IL1RAPL2: variants seen among roughly 807,000 people sequenced by gnomAD.
IL1RAPL2 encodes interleukin 1 receptor accessory protein like 2.
Under a neutral mutation model 44.1 loss-of-function variants are expected in IL1RAPL2, and 3 were observed. That is an observed-to-expected ratio of 0.07 (90% CI 0.03 to 0.18). The LOEUF (loss-of-function observed/expected upper bound fraction) is 0.18. IL1RAPL2 is among the 10% of genes least tolerant of loss of function. The probability of loss-of-function intolerance (pLI) is 1.00; values close to 1 mark genes in which losing one functional copy is unlikely to be tolerated. For synonymous variants in IL1RAPL2, 181 were observed against 178.8 expected, an observed-to-expected ratio of 1.01 and a Z score of -0.10; for missense variants, 391 against 496.4, an observed-to-expected ratio of 0.79 and a Z score of 2.02.
At chrX:104,573,976 C>T (rs970243255) in intron 1 of IL1RAPL2, among the ~76,000 whole-genome samples, 2 of 110,972 alleles carry the variant, frequency 1.8e-5, no homozygotes, top group African/African-American at 3.3e-5. Flanking sequence ...CCAGCTTTCT[C>T]AAAGATTTAA....
At chrX:104,867,301 G>A (rs1362462045) in intron 2 of IL1RAPL2, among the ~76,000 whole-genome samples, 2 of 109,068 alleles carry the variant, frequency 1.8e-5, no homozygotes, top group Non-Finnish European at 3.8e-5. Flanking sequence ...ACAAAGACAG[G>A]ATTGGGGAAC....
intron 5 of IL1RAPL2, among the ~76,000 whole-genome samples, chrX:105,304,603 A>G (rs1309686666): frequency 8.9e-6 from 1 of 111,960 alleles, no homozygotes; most frequent in Non-Finnish European, 1.9e-5. Flanking sequence ...AACAAGGGCA[A>G]TACAAATGAT....
intron 5 of IL1RAPL2, among the ~76,000 whole-genome samples, chrX:105,423,471 A>G (rs186347035): frequency 9.0e-6 from 1 of 111,217 alleles, no homozygotes; most frequent in African/African-American, 3.3e-5. Context: ...GCTGTGAGGA[A>G]TTTTGGCCAT....
intron 1 of IL1RAPL2, chrX:104,647,356 C>T (rs1930061388): frequency 3.9e-6 from 2 of 507,503 alleles, no homozygotes; most frequent in South Asian, 2.4e-5. Flanking sequence ...TGGAGTCACC[C>T]TCAGCAGAGA....
intron 2 of IL1RAPL2, among the ~76,000 whole-genome samples, chrX:104,719,924 A>G (rs1366139453): frequency 9.0e-6 from 1 of 111,129 alleles, no homozygotes; most frequent in Non-Finnish European, 1.9e-5. Flanking sequence ...GGTGGTCACA[A>G]AGGTCATTGG....
intron 6 of IL1RAPL2, among the ~76,000 whole-genome samples, chrX:105,492,568 C>A (rs1403091934): frequency 4.6e-5 from 5 of 109,342 alleles, no homozygotes; most frequent in African/African-American, 1.3e-4. Flanking sequence ...AATTCTACTA[C>A]TAATAATAAT....
At chrX:105,739,437 C>T (rs761457421) in intron 7 of IL1RAPL2, among the ~76,000 whole-genome samples, 1,661 of 106,591 alleles carry the variant, frequency 0.016, 17 homozygotes, top group Non-Finnish European at 0.022. Flanking sequence ...CATGCTGGTG[C>T]GCTGCACCCA....
At chrX:105,520,244 A>C (rs2147789052) in intron 6 of IL1RAPL2, among the ~76,000 whole-genome samples, 1 of 112,234 alleles carries the variant, frequency 8.9e-6, no homozygotes, top group African/African-American at 3.2e-5. Context: ...TACCCAGAGT[A>C]ATCTTTCTTT....
chrX:105,352,507 C>A (rs760076389), intron 5 of IL1RAPL2, among the ~76,000 whole-genome samples: 2 of 111,518 alleles, frequency 1.8e-5, no homozygotes, highest in South Asian at 7.6e-4. Context: ...AATCACCACA[C>A]TGACTTCCAC....
intron 6 of IL1RAPL2, among the ~76,000 whole-genome samples, chrX:105,574,118 A>C (rs1054199928): frequency 3.6e-5 from 4 of 112,146 alleles, no homozygotes; most frequent in Non-Finnish European, 5.6e-5. Flanking sequence ...AGAGAGATCA[A>C]GTTATAAAGA....
chrX:105,114,232 T>C (rs1446173283), intron 2 of IL1RAPL2, among the ~76,000 whole-genome samples: 3 of 111,785 alleles, frequency 2.7e-5, no homozygotes. Flanking sequence ...GGGAAGATGG[T>C]TATCTGTGGG....
chrX:105,434,465 A>G (rs767637493), intron 5 of IL1RAPL2, among the ~76,000 whole-genome samples: 1 of 112,599 alleles, frequency 8.9e-6, no homozygotes, highest in Non-Finnish European at 1.9e-5. Flanking sequence ...ATGCTGTTCA[A>G]CATGTGAATG....
intron 2 of IL1RAPL2, among the ~76,000 whole-genome samples, chrX:104,760,680 AT>A (rs1341305228): frequency 1.8e-5 from 2 of 111,442 alleles, no homozygotes; most frequent in Non-Finnish European, 1.9e-5. Flanking sequence ...TTTTCTGGTT[AT>A]TAATTGCTTG....
At position 105,732,077 on chromosome X, in the gene IL1RAPL2, T is replaced by C. The variant is rs776321687; in HGVS notation, c.903-8469T>C. Among the ~76,000 whole-genome samples the C allele has an allele frequency of 1.1e-4, 12 of 111,704 alleles. No individual in the cohort carries two copies. In the South Asian group the frequency reaches 4.1e-3, roughly 38 times the overall value. ...AATGTACAACATAAATTAAAAATAT[T>C]ACGTATTAATAGAAAATAAAGTGAT... On this transcript the variant is annotated intron_variant, in intron 7 of 10. Coordinates refer to ENST00000372582, the MANE Select transcript of IL1RAPL2 (RefSeq NM_017416.2).
intron 2 of IL1RAPL2, among the ~76,000 whole-genome samples, chrX:105,167,842 A>G (rs1224874380): frequency 9.0e-6 from 1 of 110,728 alleles, no homozygotes; most frequent in Non-Finnish European, 1.9e-5. Context: ...GTAGGTGCCA[A>G]GATCTAAGTC....
intron 6 of IL1RAPL2, among the ~76,000 whole-genome samples, chrX:105,571,867 C>A (rs186163450): frequency 9.1e-6 from 1 of 109,702 alleles, no homozygotes; most frequent in Admixed American, 9.7e-5. Context: ...TGGAAGAGGC[C>A]CACAAGAACT....
chrX:105,486,488 C>T (rs2147776756), intron 6 of IL1RAPL2, among the ~76,000 whole-genome samples: 1 of 110,918 alleles, frequency 9.0e-6, no homozygotes, highest in Non-Finnish European at 1.9e-5. Context: ...TATTGTTTTG[C>T]AGTCATTATA....
chrX:105,622,317 C>G (rs1322130041), intron 6 of IL1RAPL2, among the ~76,000 whole-genome samples: 8 of 106,834 alleles, frequency 7.5e-5, no homozygotes, highest in Non-Finnish European at 1.4e-4. Context: ...ATAATAGAAG[C>G]ATCAGAGACT....
chrX:105,446,992 T>C (rs2035959503), intron 5 of IL1RAPL2, among the ~76,000 whole-genome samples: 1 of 94,338 alleles, frequency 1.1e-5, no homozygotes, highest in South Asian at 4.9e-4. Flanking sequence ...GTTGATGAAA[T>C]CCTTTACCTT....
Sources: allele counts gnomAD v4.1 joint callset (sites outside exome capture counted in the v4.1 genomes callset), GRCh38; gene constraint gnomAD v4.1.1; transcripts MANE v1.5; gene names NCBI Gene and HGNC (gene_info 2026-07-23, HGNC 2026-07-21).